The following SLC39A10 variants were observed in gnomAD, a reference collection of about 807,000 sequenced individuals.
SLC39A10 encodes zinc transporter ZIP10.
Under a neutral mutation model 65.1 loss-of-function variants are expected in SLC39A10, and 13 were observed. That is an observed-to-expected ratio of 0.20 (90% CI 0.13 to 0.32). The LOEUF is 0.32. SLC39A10 is among the 10% of genes least tolerant of loss of function. SLC39A10 has a pLI of 1.00. For missense variants in SLC39A10, 831 were observed against 1,018.4 expected, an observed-to-expected ratio of 0.82 and a Z score of 2.50; for synonymous variants, 321 against 342.2, an observed-to-expected ratio of 0.94 and a Z score of 0.68.
intron 1 of SLC39A10, among the ~76,000 whole-genome samples, chr2:195,676,425 A>G (rs913069523): frequency 6.6e-6 from 1 of 151,802 alleles, no homozygotes; most frequent in African/African-American, 2.4e-5. Context: ...TTAATCAAAA[A>G]TTTTCATCAT....
chr2:195,735,110 T>C lies in SLC39A10; in HGVS notation c.*69T>C, dbSNP rs1692550323. 3 of 1,461,850 alleles carry C rather than the reference T, an allele frequency of 2.1e-6. No homozygotes were observed. The highest frequency in any genetic ancestry group is 3.1e-5 in the African/African-American group (2 of 65,042). The allele number at this position is 1,461,850 out of a possible 1,614,324, so 90.6% of individuals were successfully genotyped here. ...AGCTTTGCATCTGTTCCTTGTACTG[T>C]ATGCACATTGCTCAAAGGAAAGTCA... On this transcript the variant is annotated 3_prime_UTR_variant, in exon 10 of 10. Transcript: ENST00000359634.
intron 2 of SLC39A10, among the ~76,000 whole-genome samples, chr2:195,633,519 G>C (rs1315343190): frequency 6.6e-6 from 1 of 152,252 alleles, no homozygotes; most frequent in Non-Finnish European, 1.5e-5. Flanking sequence ...CTCTCTGCCA[G>C]TGAGGGCAGA....
chr2:195,618,395 T>C (rs1688273460), intron 2 of SLC39A10, among the ~76,000 whole-genome samples: 1 of 150,222 alleles, frequency 6.7e-6, no homozygotes, highest in African/African-American at 2.5e-5. Flanking sequence ...ACTGACAGTA[T>C]TGAGAAAGGA....
chr2:195,683,117 AT>A (rs375509128), intron 2 of SLC39A10, among the ~76,000 whole-genome samples: 27 of 147,218 alleles, frequency 1.8e-4, no homozygotes, highest in African/African-American at 5.0e-4. Context: ...GTTTTTTATT[AT>A]TTTTTTCTTT....
intron 1 of SLC39A10, among the ~76,000 whole-genome samples, chr2:195,659,353 C>T (rs185499103): frequency 2.4e-4 from 36 of 152,288 alleles, no homozygotes; most frequent in Non-Finnish European, 2.5e-4. Flanking sequence ...AAAGCTAACA[C>T]GGTCCTTCCC....
chr2:195,643,717 C>T (rs896267850), intron 2 of SLC39A10, among the ~76,000 whole-genome samples: 1 of 152,218 alleles, frequency 6.6e-6, no homozygotes, highest in African/African-American at 2.4e-5. Context: ...TCTTACCTGT[C>T]CTCTACTGCC....
Position 195,674,956 on chromosome 2 carries a change from A to T in SLC39A10, c.-11-5076A>T, listed in dbSNP as rs915856279. On this transcript the variant is annotated intron_variant, in intron 1 of 9. Transcript: ENST00000359634. ...CAGTGTTGGGCACTAATATGAATGG[A>T]GCTTGCAGGACTGGAAGCAGCTGTG... Among the ~76,000 whole-genome samples the T allele has an allele frequency of 2.6e-5, 4 of 152,220 alleles. No homozygotes were observed. In the East Asian group the frequency reaches 5.8e-4, roughly 22 times the overall value.
At chr2:195,720,233 TTTTC>T in intron 8 of SLC39A10, among the ~76,000 whole-genome samples, 1 of 152,322 alleles carries the variant, frequency 6.6e-6, no homozygotes, top group South Asian at 2.1e-4. Flanking sequence ...GGCCTTAACT[TTTTC>T]TTTTTTACCA....
chr2:195,631,275 G>A, intron 2 of SLC39A10, among the ~76,000 whole-genome samples: 1 of 151,412 alleles, frequency 6.6e-6, no homozygotes, highest in East Asian at 1.9e-4. Flanking sequence ...AATAAAAATA[G>A]AATATATATA....
Position 195,680,412 on chromosome 2 carries a change from C to A in SLC39A10, c.370C>A (p.His124Asn). Residue 124 changes from histidine (H) to asparagine (N), a missense_variant, in exon 2 of 10, where the codon CAC becomes AAC. Transcript: ENST00000359634. ...ILAVQEGKHF[H>N]SHNHQHSHNH... is the part of the protein sequence containing the mutation. ...GGCAGTTCAAGAGGGAAAGCATTTTCACTCACATAACCACCAGCATTCCCA... is the reference window on the plus strand; with the variant it reads ...GGCAGTTCAAGAGGGAAAGCATTTTAACTCACATAACCACCAGCATTCCCA... 1 of 1,614,096 alleles carries A rather than the reference C, an allele frequency of 6.2e-7. No individual in the cohort carries two copies.
chr2:195,716,841 CTG>C lies in SLC39A10; in HGVS notation c.1904_1905del (p.Val635AlafsTer5). The C allele has an allele frequency of 6.2e-7, 1 of 1,614,178 alleles. No homozygotes were observed. Among genetic ancestry groups the C allele is most frequent in the Non-Finnish European group, 8.5e-7 (1 of 1,180,020 alleles). On this transcript the variant is annotated frameshift_variant, in exon 7 of 10. Coordinates refer to ENST00000359634, the MANE Select transcript of SLC39A10 (RefSeq NM_020342.3). LOFTEE classifies it high-confidence loss of function. Reference sequence around the variant, plus strand: ...CATAACCACCACGGCGAGAACAAAACTGTGCTGAGGAAGCATAATCACCAGTG... The same window carrying C: ...CATAACCACCACGGCGAGAACAAAACTGCTGAGGAAGCATAATCACCAGTG...
chr2:195,660,913 T>TA (rs1689368584), intron 1 of SLC39A10, among the ~76,000 whole-genome samples: 1 of 152,232 alleles, frequency 6.6e-6, no homozygotes, highest in Admixed American at 6.5e-5. Flanking sequence ...GTGTTAAATT[T>TA]ACATTGTGAG....
chr2:195,676,938 T>G (rs1690113975), intron 1 of SLC39A10, among the ~76,000 whole-genome samples: 1 of 139,590 alleles, frequency 7.2e-6, no homozygotes, highest in Admixed American at 7.2e-5. Flanking sequence ...TTTTCAGTTC[T>G]TTGCTGTCCT....
chr2:195,663,797 T>C (rs1393744570), intron 1 of SLC39A10, among the ~76,000 whole-genome samples: 2 of 151,708 alleles, frequency 1.3e-5, no homozygotes, highest in Admixed American at 6.6e-5. Context: ...TTTTCTTTTT[T>C]TTTTTTTCAA....
chr2:195,630,367 GCAGGGCTTC>G, intron 2 of SLC39A10, among the ~76,000 whole-genome samples: 1 of 152,132 alleles, frequency 6.6e-6, no homozygotes, highest in Non-Finnish European at 1.5e-5. Flanking sequence ...TGGAAGGGAT[GCAGGGCTTC>G]CATGCCCTCC....
At chr2:195,684,721 C>A (rs1690459403) in intron 3 of SLC39A10, among the ~76,000 whole-genome samples, 1 of 151,910 alleles carries the variant, frequency 6.6e-6, no homozygotes, top group Non-Finnish European at 1.5e-5. Context: ...CATAACAATT[C>A]TGGATTTTCT....
intron 2 of SLC39A10, among the ~76,000 whole-genome samples, chr2:195,620,401 T>G (rs1428894072): frequency 6.6e-6 from 1 of 152,156 alleles, no homozygotes; most frequent in African/African-American, 2.4e-5. Flanking sequence ...TAGAAATACT[T>G]CCCCAGAGTT....
In SLC39A10 at chr2:195,735,178, C is replaced by T; in HGVS notation, c.*137C>T. The T allele has an allele frequency of 1.2e-6, 1 of 848,826 alleles. No individual in the cohort carries two copies. Among genetic ancestry groups the T allele is most frequent in the Non-Finnish European group, 1.7e-6 (1 of 574,438 alleles). 52.6% of individuals were successfully genotyped at this position (848,826 alleles called of 1,614,324 possible). On this transcript the variant is annotated 3_prime_UTR_variant, in exon 10 of 10. Coordinates refer to ENST00000359634, the MANE Select transcript of SLC39A10 (RefSeq NM_020342.3). ...CAAGTTTCATAGATTTGAGCCTAAC[C>T]ACAAGAGGCTGGTGCTTAGTACTGT...
chr2:195,708,715 A>C lies in SLC39A10; in HGVS notation c.1446A>C (p.Gly482=). Residue 482 remains glycine, a synonymous_variant, in exon 5 of 10, where the codon GGA becomes GGC. Coordinates refer to ENST00000359634, the MANE Select transcript of SLC39A10 (RefSeq NM_020342.3). The part of the protein sequence containing the change: ...QHAHGHGHSH[G]HESNKFLEEY... ...CACATGGGCATGGACATTCTCATGG[A>C]CATGAATCTAACAAGTTTTTGGAAG... 6.2e-7 allele frequency: 1 copy of C among 1,613,048 alleles called. No individual in the cohort carries two copies. The highest frequency in any genetic ancestry group is 1.3e-5 in the African/African-American group (1 of 75,040).
Sources: gnomAD v4.1 joint callset for allele counts (sites outside exome capture counted in the v4.1 genomes callset) on GRCh38, gnomAD v4.1.1 for gene constraint, MANE v1.5 for transcripts, NCBI Gene and HGNC (gene_info 2026-07-23, HGNC 2026-07-21) for gene names.